The following FARS2 variants were observed in gnomAD, a reference collection of about 807,000 sequenced individuals.
FARS2 encodes the protein phenylalanyl-tRNA synthetase 2, mitochondrial.
Under a neutral mutation model 46.4 loss-of-function variants are expected in FARS2, and 40 were observed. That is an observed-to-expected ratio of 0.86 (90% CI 0.67 to 1.12). The LOEUF (loss-of-function observed/expected upper bound fraction) is 1.12. FARS2 is among the 50% of genes most tolerant of loss of function. The pLI is 0.00. For missense variants in FARS2, 513 were observed against 567.9 expected, an observed-to-expected ratio of 0.90 and a Z score of 0.98; for synonymous variants, 234 against 214.9, an observed-to-expected ratio of 1.09 and a Z score of -0.78.
intron 6 of FARS2, among the ~76,000 whole-genome samples, chr6:5,684,476 A>G (rs1277428601): frequency 1.3e-5 from 2 of 152,148 alleles, no homozygotes; most frequent in Admixed American, 6.5e-5. Context: ...AACTAAGGTG[A>G]TTCGCTTGTT....
At chr6:5,510,519 G>A (rs762508911) in intron 4 of FARS2, among the ~76,000 whole-genome samples, 2 of 152,208 alleles carry the variant, frequency 1.3e-5, no homozygotes, top group African/African-American at 2.4e-5. Flanking sequence ...AATGCCCGCC[G>A]CACGCCCAGG....
intron 4 of FARS2, among the ~76,000 whole-genome samples, chr6:5,464,871 C>A (rs945716076): frequency 1.3e-5 from 2 of 152,136 alleles, no homozygotes; most frequent in Non-Finnish European, 2.9e-5. Flanking sequence ...ATGAAAATAA[C>A]AAAATGAACA....
chr6:5,286,193 T>C (rs1054758134), intron 1 of FARS2, among the ~76,000 whole-genome samples: 8 of 152,196 alleles, frequency 5.3e-5, no homozygotes, highest in Non-Finnish European at 8.8e-5. Context: ...CCCTTGTTCC[T>C]AGATAGAATT....
At chr6:5,759,547 G>A (rs1762381016) in intron 6 of FARS2, among the ~76,000 whole-genome samples, 2 of 152,136 alleles carry the variant, frequency 1.3e-5, no homozygotes, top group East Asian at 1.9e-4. Context: ...TGAATTGAGT[G>A]GATGCATGAA....
chr6:5,740,448 C>T (rs534463528), intron 6 of FARS2, among the ~76,000 whole-genome samples: 103 of 151,484 alleles, frequency 6.8e-4, no homozygotes, highest in African/African-American at 2.4e-3. Flanking sequence ...AGCCTGTGGA[C>T]GCACAACCTG....
chr6:5,260,598 T>TGCCCCGGCCCCGGGGCCCCCCCC, upstream of FARS2: 7 of 1,105,558 alleles, frequency 6.3e-6, no homozygotes, highest in Non-Finnish European at 9.1e-6. Context: ...GCACCCCCGG[T>TGCCCCGGCCCCGGGGCCCCCCCC]CCCCGGCCCC....
chr6:5,351,354 T>C (rs1757561110), intron 1 of FARS2, among the ~76,000 whole-genome samples: 1 of 152,216 alleles, frequency 6.6e-6, no homozygotes. Flanking sequence ...GACAGGGAGA[T>C]ATAAAACTAA....
chr6:5,409,702 G>A (rs374259403), intron 3 of FARS2, among the ~76,000 whole-genome samples: 12 of 152,176 alleles, frequency 7.9e-5, no homozygotes, highest in Admixed American at 5.9e-4. Flanking sequence ...TGGTTCACAC[G>A]CATCAGAATC....
chr6:5,393,873 G>A (rs553711014), intron 2 of FARS2, among the ~76,000 whole-genome samples: 1 of 152,174 alleles, frequency 6.6e-6, no homozygotes, highest in Non-Finnish European at 1.5e-5. Flanking sequence ...GTATGTGGAT[G>A]GAAGGGGCAG....
At chr6:5,426,147 G>C (rs1353291762) in intron 3 of FARS2, among the ~76,000 whole-genome samples, 1 of 152,104 alleles carries the variant, frequency 6.6e-6, no homozygotes, top group South Asian at 2.1e-4. Context: ...AGCTTCATCT[G>C]TGTGGTTTAG....
chr6:5,401,166 T>C (rs1295948451), intron 2 of FARS2, among the ~76,000 whole-genome samples: 2 of 152,128 alleles, frequency 1.3e-5, no homozygotes, highest in Non-Finnish European at 2.9e-5. Flanking sequence ...TATTGAGTTA[T>C]TGATATATTC....
At chr6:5,609,035 G>C (rs1321766259) in intron 5 of FARS2, among the ~76,000 whole-genome samples, 1 of 151,968 alleles carries the variant, frequency 6.6e-6, no homozygotes, top group Admixed American at 6.5e-5. Flanking sequence ...AAAATAACCT[G>C]TTGTACAGTT....
At chr6:5,453,862 C>T (rs908460136) in intron 4 of FARS2, among the ~76,000 whole-genome samples, 16 of 152,022 alleles carry the variant, frequency 1.1e-4, no homozygotes, top group Non-Finnish European at 2.2e-4. Flanking sequence ...AGGAACCGTA[C>T]GGGAGAGCCC....
In FARS2 at chr6:5,771,531, A is replaced by G. The variant is rs1763050091; in HGVS notation, c.*102A>G. 8.0e-7 allele frequency: 1 copy of G among 1,254,566 alleles called. No individual in the cohort carries two copies. The highest frequency in any genetic ancestry group is 2.4e-5 in the Admixed American group (1 of 42,114). The allele number at this position is 1,254,566 out of a possible 1,614,324, so 77.7% of individuals were successfully genotyped here. A position where few individuals can be genotyped will look rare whatever the true frequency, so the allele number is the denominator to read the frequency against. On this transcript the variant is annotated 3_prime_UTR_variant, in exon 7 of 7. Coordinates refer to ENST00000274680, the MANE Select transcript of FARS2 (RefSeq NM_006567.5). Reference sequence around the variant, plus strand: ...ACTGGGGCATCAATCATCTTTTGATAAATGGATCAGTTTTAGGACTTTCAG... The same window carrying G: ...ACTGGGGCATCAATCATCTTTTGATGAATGGATCAGTTTTAGGACTTTCAG...
chr6:5,274,359 T>C (rs1231729369), intron 1 of FARS2, among the ~76,000 whole-genome samples: 1 of 152,216 alleles, frequency 6.6e-6, no homozygotes, highest in Non-Finnish European at 1.5e-5. Flanking sequence ...TTGTTTGTCA[T>C]AGCCAGGCAT....
intron 1 of FARS2, among the ~76,000 whole-genome samples, chr6:5,363,109 G>C (rs925723365): frequency 1.3e-5 from 2 of 151,764 alleles, no homozygotes; most frequent in Admixed American, 6.6e-5. Flanking sequence ...TATATTTTTA[G>C]TAGAGATGGG....
intron 6 of FARS2, among the ~76,000 whole-genome samples, chr6:5,617,773 A>T (rs2150686204): frequency 6.6e-6 from 1 of 152,356 alleles, no homozygotes; most frequent in Non-Finnish European, 1.5e-5. Context: ...TAGAAGAAAT[A>T]GCCTGGGGCT....
chr6:5,570,034 C>T (rs1772552136), intron 5 of FARS2, among the ~76,000 whole-genome samples: 1 of 152,152 alleles, frequency 6.6e-6, no homozygotes, highest in African/African-American at 2.4e-5. Context: ...TGCTTAAGGA[C>T]AGGTTATGTA....
rs1427879989 is a variant in FARS2 at position 5,444,121 on chromosome 6, GTGTGTA to G, written c.904+12955_904+12960del. On this transcript the variant is annotated intron_variant, in intron 4 of 6. Coordinates refer to ENST00000274680, the MANE Select transcript of FARS2 (RefSeq NM_006567.5). ...TGTGTGTGTGTGTGTGTGTGTGTGT[GTGTGTA>G]TGTGTGCATGCACGCACGTGCATAT... Among the ~76,000 whole-genome samples the G allele has an allele frequency of 1.6e-3, 235 of 151,274 alleles. 1 individual carries two copies. The highest frequency in any genetic ancestry group is 5.1e-3 in the African/African-American group (212 of 41,270).
Sources: allele counts gnomAD v4.1 joint callset (sites outside exome capture counted in the v4.1 genomes callset), GRCh38; gene constraint gnomAD v4.1.1; transcripts MANE v1.5; gene names NCBI Gene and HGNC (gene_info 2026-07-23, HGNC 2026-07-21).